Variants in ETV1 observed in about 807,000 individuals in gnomAD.
The protein encoded by ETV1 is ETS variant transcription factor 1, also known as ETS translocation variant 1.
Under a neutral mutation model 62.3 loss-of-function variants are expected in ETV1, and 27 were observed. The ratio of observed to expected loss-of-function variants is 0.43; its 90% CI spans 0.32 to 0.60. The LOEUF (loss-of-function observed/expected upper bound fraction) is 0.60. ETV1 is among the 20% of genes least tolerant of loss of function. The pLI, the probability that ETV1 is intolerant of heterozygous loss-of-function variation, is 0.06. For missense variants in ETV1, 605 were observed against 605.8 expected (o/e 1.00, Z 0.01); for synonymous variants, 222 against 199.6 (o/e 1.11, Z -0.94).
chr7:13,910,461 C>T (rs1355586756), intron 10 of ETV1: 3 of 390,574 alleles, frequency 7.7e-6, no homozygotes, highest in Non-Finnish European at 1.0e-5. Context: ...AATTACATTG[C>T]ATTTGTGCAA....
intron 9 of ETV1, among the ~76,000 whole-genome samples, chr7:13,922,621 T>C (rs1458361778): frequency 6.6e-6 from 1 of 152,164 alleles, no homozygotes; most frequent in Non-Finnish European, 1.5e-5. Flanking sequence ...CACACACACA[T>C]AGAATGTTCA....
intron 13 of ETV1, among the ~76,000 whole-genome samples, chr7:13,897,504 T>G (rs1486595594): frequency 6.6e-6 from 1 of 152,120 alleles, no homozygotes; most frequent in Non-Finnish European, 1.5e-5. Flanking sequence ...GAATGAACAT[T>G]TAGTAGTTTT....
At chr7:13,944,495 C>A (rs1787926191) in intron 6 of ETV1, among the ~76,000 whole-genome samples, 1 of 152,020 alleles carries the variant, frequency 6.6e-6, no homozygotes, top group South Asian at 2.1e-4. Flanking sequence ...TCCCAAAGTC[C>A]TCACTTCCAA....
In ETV1 at chr7:13,988,013, G is replaced by T. The variant is rs903004729; in HGVS notation, c.133+73C>A. 7.3e-6 allele frequency: 6 copies of T among 817,856 alleles called. No individual in the cohort carries two copies. In the African/African-American group the frequency reaches 1.0e-4, roughly 14 times the overall value. 50.7% of individuals were successfully genotyped at this position (817,856 alleles called of 1,614,324 possible). ...TTATTATTTTTAAGATAAGACTGAA[G>T]TGCTCCTTTTCTTTTAGCAGGGTGG... On this transcript the variant is annotated intron_variant, in intron 4 of 13. Coordinates refer to ENST00000430479, the MANE Select transcript of ETV1 (RefSeq NM_004956.5).
chr7:13,975,266 T>C (rs939674488), intron 6 of ETV1, among the ~76,000 whole-genome samples: 1 of 151,694 alleles, frequency 6.6e-6, no homozygotes, highest in African/African-American at 2.4e-5. Flanking sequence ...GCATGTAAAA[T>C]AAGAGGAAAG....
chr7:13,916,765 C>T (rs534706903), intron 9 of ETV1, among the ~76,000 whole-genome samples: 8 of 152,008 alleles, frequency 5.3e-5, no homozygotes, highest in African/African-American at 1.9e-4. Flanking sequence ...CCCATCTCTA[C>T]CAAAAATACT....
intron 5 of ETV1, among the ~76,000 whole-genome samples, chr7:13,982,116 G>A (rs1435275499): frequency 6.6e-6 from 1 of 152,050 alleles, no homozygotes; most frequent in Non-Finnish European, 1.5e-5. Context: ...TACTGTAACA[G>A]TAAAGTTTTA....
rs1782716201 is a variant in ETV1, at chr7:13,988,139, G to T, written c.80C>A (p.Thr27Lys). ...QRGRNCNEKP[T>K]NVRKRKFINR... is the part of the protein sequence containing the mutation. ...AATGAATTTTCTTTTCCTGACATTTGTTGGTTTCTCGTTACAATTTCTCCC... is the reference window on the plus strand; with the variant it reads ...AATGAATTTTCTTTTCCTGACATTTTTTGGTTTCTCGTTACAATTTCTCCC... The change falls in exon 4 of 14, where the codon ACA becomes AAA. Residue 27 changes from threonine (T) to lysine (K), a missense_variant. By Grantham distance (78) the Thr-to-Lys change is moderately conservative. Coordinates refer to ENST00000430479, the MANE Select transcript of ETV1 (RefSeq NM_004956.5). 1.2e-6 allele frequency: 2 copies of T among 1,612,658 alleles called. No homozygotes were observed. Among genetic ancestry groups the T allele is most frequent in the African/African-American group, 2.7e-5 (2 of 74,934 alleles).
intron 6 of ETV1, among the ~76,000 whole-genome samples, chr7:13,950,475 AT>A (rs1788669991): frequency 6.6e-6 from 1 of 152,052 alleles, no homozygotes; most frequent in Non-Finnish European, 1.5e-5. Context: ...AATGAAGGAG[AT>A]ACAGTTTGAA....
intron 6 of ETV1, among the ~76,000 whole-genome samples, chr7:13,973,374 T>TC (rs1781090967): frequency 6.6e-6 from 1 of 152,148 alleles, no homozygotes; most frequent in African/African-American, 2.4e-5. Flanking sequence ...TAGAGATAGA[T>TC]CCCTCTGCCC....
At chr7:13,985,477 A>C (rs1782458236) in intron 5 of ETV1, 1 of 152,186 alleles carries the variant, frequency 6.6e-6, no homozygotes, top group Non-Finnish European at 1.5e-5. Context: ...AAACAAAGAA[A>C]CTTATTTTAC....
chr7:13,921,170 T>C (rs1011335847), intron 9 of ETV1, among the ~76,000 whole-genome samples: 1 of 152,296 alleles, frequency 6.6e-6, no homozygotes, highest in African/African-American at 2.4e-5. Flanking sequence ...TGAGCTGCCA[T>C]GTTTCAGGAG....
At chr7:13,955,200 T>G (rs1236284175) in intron 6 of ETV1, among the ~76,000 whole-genome samples, 1 of 152,204 alleles carries the variant, frequency 6.6e-6, no homozygotes, top group Non-Finnish European at 1.5e-5. Flanking sequence ...TTCTGATATT[T>G]AATTCAATGT....
intron 13 of ETV1, among the ~76,000 whole-genome samples, chr7:13,898,273 C>G (rs1317295034): frequency 6.6e-6 from 1 of 152,044 alleles, no homozygotes; most frequent in Non-Finnish European, 1.5e-5. Flanking sequence ...GGAGATAAAT[C>G]AAAAGTAAAC....
At chr7:13,956,078 C>T (rs1289582796) in intron 6 of ETV1, among the ~76,000 whole-genome samples, 7 of 151,894 alleles carry the variant, frequency 4.6e-5, no homozygotes, top group Admixed American at 4.6e-4. Flanking sequence ...CATATTTATA[C>T]CAAATTACAA....
In ETV1 at chr7:13,895,806, C is replaced by A. The variant is rs1781710997; in HGVS notation, c.*60G>T. On this transcript the variant is annotated 3_prime_UTR_variant, in exon 14 of 14. Transcript: ENST00000430479. The stretch of plus-strand genomic sequence containing the variant: ...GAAATAAAACAAAGATTCAGCAATT[C>A]TCTGTATCTTGCAGAAAAAAGGAAA... 3 of 1,067,682 alleles carry A rather than the reference C, an allele frequency of 2.8e-6. No homozygotes were observed. Among genetic ancestry groups the A allele is most frequent in the Non-Finnish European group, 4.2e-6 (3 of 706,162 alleles). The allele number at this position is 1,067,682 out of a possible 1,614,324, so 66.1% of individuals were successfully genotyped here.
chr7:13,929,639 G>C (rs941826394), intron 9 of ETV1, among the ~76,000 whole-genome samples: 2 of 152,106 alleles, frequency 1.3e-5, no homozygotes, highest in African/African-American at 4.8e-5. Context: ...AGCCACCCTT[G>C]AACCTAGCAC....
chr7:13,901,166 G>A (rs958912521), intron 12 of ETV1, among the ~76,000 whole-genome samples: 1 of 152,120 alleles, frequency 6.6e-6, no homozygotes, highest in African/African-American at 2.4e-5. Context: ...CACCACGCCC[G>A]GCTAATTTTT....
At chr7:13,941,529 T>C (rs144378939) in intron 6 of ETV1, among the ~76,000 whole-genome samples, 12 of 152,276 alleles carry the variant, frequency 7.9e-5, no homozygotes, top group African/African-American at 1.2e-4. Flanking sequence ...CTAAATTTCC[T>C]GGGTAAACAT....
Sources: allele counts gnomAD v4.1 joint callset (sites outside exome capture counted in the v4.1 genomes callset), GRCh38; gene constraint gnomAD v4.1.1; transcripts MANE v1.5; gene names NCBI Gene and HGNC (gene_info 2026-07-23, HGNC 2026-07-21).